Variants in CAPN5 observed in about 807,000 individuals in gnomAD.
CAPN5 encodes calpain-5.
A neutral mutation model predicts 73.0 loss-of-function variants in CAPN5; 54 were observed. That is an observed-to-expected ratio of 0.74 (90% CI 0.59 to 0.93). CAPN5 has a LOEUF of 0.93. Ranked by LOEUF, CAPN5 falls within the 40% of genes least tolerant of loss-of-function variation. The probability of loss-of-function intolerance (pLI) is 0.00; values close to 1 mark genes in which losing one functional copy is unlikely to be tolerated. For synonymous variants in CAPN5, 335 were observed against 356.9 expected, an observed-to-expected ratio of 0.94 and a Z score of 0.69; for missense variants, 785 against 882.9, an observed-to-expected ratio of 0.89 and a Z score of 1.41.
chr11:77,110,729 G>A (rs1303849902), intron 3 of CAPN5, among the ~76,000 whole-genome samples: 5 of 152,196 alleles, frequency 3.3e-5, no homozygotes, highest in African/African-American at 4.8e-5. Context: ...CATTTTCTTG[G>A]TCTCACATGT....
chr11:77,070,868 C>T (rs2135403497), intron 1 of CAPN5, among the ~76,000 whole-genome samples: 1 of 152,284 alleles, frequency 6.6e-6, no homozygotes, highest in East Asian at 1.9e-4. Flanking sequence ...CTGCTTCTGT[C>T]TCATTGCTCT....
Position 77,115,465 on chromosome 11 carries a change from C to T in CAPN5, c.770C>T (p.Thr257Ile), listed in dbSNP as rs562704448. ...GLVKGHAYAV[T>I]DVRKVRLGHG... ...GTAAAGGGCCACGCATACGCCGTCA[C>T]TGATGTGCGCAAGGTGCGCCTGGGC... Residue 257 changes from threonine to isoleucine, a missense_variant, in exon 6 of 13, where the codon ACT becomes ATT. Physicochemically the swap from Thr to Ile is moderately conservative, Grantham distance 89 (BLOSUM62 -1). Coordinates refer to ENST00000648180, the MANE Select transcript of CAPN5 (RefSeq NM_004055.5). 6.2e-7 allele frequency: 1 copy of T among 1,613,164 alleles called. No individual in the cohort carries two copies. Among genetic ancestry groups the T allele is most frequent in the South Asian group, 1.1e-5 (1 of 91,040 alleles).
At position 77,083,688 on chromosome 11, in the gene CAPN5, C is replaced by A. The variant is rs142806933; in HGVS notation, c.-35-1164C>A. Among the ~76,000 whole-genome samples the A allele has an allele frequency of 2.1e-4, 32 of 152,298 alleles. No individual in the cohort carries two copies. In the East Asian group the frequency reaches 6.2e-3, roughly 29 times the overall value. On this transcript the variant is annotated intron_variant, in intron 1 of 12. Coordinates refer to ENST00000648180, the MANE Select transcript of CAPN5 (RefSeq NM_004055.5). ...CTCCTCTTCCCACTGGCATGCTTGGCGGGCTCCTCAGCCTTCAGTTAATGG... is the reference window on the plus strand; with the variant it reads ...CTCCTCTTCCCACTGGCATGCTTGGAGGGCTCCTCAGCCTTCAGTTAATGG...
intron 7 of CAPN5, among the ~76,000 whole-genome samples, chr11:77,117,944 C>G (rs1017761519): frequency 5.3e-5 from 8 of 152,214 alleles, no homozygotes; most frequent in Non-Finnish European, 7.3e-5. Flanking sequence ...TAGATTCAGC[C>G]TCATTTTACA....
chr11:77,108,072 G>T (rs782294287), intron 3 of CAPN5, among the ~76,000 whole-genome samples: 1 of 152,206 alleles, frequency 6.6e-6, no homozygotes, highest in Non-Finnish European at 1.5e-5. Flanking sequence ...TCACTGCCAT[G>T]CACCGCAGTG....
rs551066938 is a variant in CAPN5 at position 77,090,364 on chromosome 11, G to A, written c.166-3318G>A. ...TCTGGGAATCGTGACTCCCAAGCTC[G>A]GTCTGTCTCTCAAGGACTGGAGAAG... On this transcript the variant is annotated intron_variant, in intron 2 of 12. Transcript: ENST00000648180. Among the ~76,000 whole-genome samples, 25 of 152,276 alleles carry A rather than the reference G, an allele frequency of 1.6e-4. No homozygotes were observed. The East Asian group carries it at 4.6e-3, about 28-fold the overall frequency.
chr11:77,075,161 G>T (rs1181003067), intron 1 of CAPN5, among the ~76,000 whole-genome samples: 1 of 152,088 alleles, frequency 6.6e-6, no homozygotes, highest in Non-Finnish European at 1.5e-5. Context: ...GCCTCTGGCG[G>T]GATCCTCTGC....
intron 1 of CAPN5, among the ~76,000 whole-genome samples, chr11:77,080,593 A>G (rs540835465): frequency 7.2e-5 from 11 of 152,276 alleles, no homozygotes; most frequent in African/African-American, 2.2e-4. Context: ...GCCTTATTCC[A>G]TCCTGTACAC....
At chr11:77,103,851 C>T (rs1342975389) in intron 3 of CAPN5, among the ~76,000 whole-genome samples, 2 of 152,164 alleles carry the variant, frequency 1.3e-5, no homozygotes, top group African/African-American at 2.4e-5. Flanking sequence ...CATAACACGT[C>T]GACAACCCTC....
chr11:77,104,263 G>A (rs1382528341), intron 3 of CAPN5, among the ~76,000 whole-genome samples: 1 of 152,200 alleles, frequency 6.6e-6, no homozygotes, highest in Non-Finnish European at 1.5e-5. Context: ...GAGGGAAGTT[G>A]GAGCTGGAGA....
intron 3 of CAPN5, among the ~76,000 whole-genome samples, chr11:77,094,038 A>G (rs1950182990): frequency 6.6e-6 from 1 of 152,238 alleles, no homozygotes; most frequent in Non-Finnish European, 1.5e-5. Context: ...CAGGCTCCCA[A>G]GGTCATTCTG....
chr11:77,114,291 C>G lies in CAPN5; in HGVS notation c.556C>G (p.Leu186Val). 2.5e-6 allele frequency: 4 copies of G among 1,614,234 alleles called. No homozygotes were observed. Among genetic ancestry groups the G allele is most frequent in the Non-Finnish European group, 3.4e-6 (4 of 1,180,044 alleles). The change falls in exon 5 of 13, where the codon CTG (leucine) becomes GTG (valine). Residue 186 changes from leucine to valine, a missense_variant. Transcript: ENST00000648180. ...ALDGGNTADA[L>V]VDFTGGVSEP... is the part of the protein sequence containing the mutation. ...GGATGGAGGCAACACAGCAGACGCACTGGTGGACTTCACGGGTGGTGTTTC... is the reference window on the plus strand; with the variant it reads ...GGATGGAGGCAACACAGCAGACGCAGTGGTGGACTTCACGGGTGGTGTTTC...
intron 1 of CAPN5, among the ~76,000 whole-genome samples, chr11:77,077,527 AT>A (rs532375338): frequency 0.15 from 22,256 of 144,904 alleles, 3,183 homozygotes; most frequent in African/African-American, 0.38. Flanking sequence ...GAGCTTTTTA[AT>A]TTTTTTTTTT....
intron 1 of CAPN5, among the ~76,000 whole-genome samples, chr11:77,079,112 G>A (rs117213833): frequency 5.8e-3 from 874 of 151,938 alleles, no homozygotes; most frequent in Non-Finnish European, 8.7e-3. Flanking sequence ...CTTGATCATG[G>A]TGAATGATCC....
intron 7 of CAPN5, among the ~76,000 whole-genome samples, chr11:77,117,262 T>TA (rs1162553150): frequency 1.3e-5 from 2 of 152,190 alleles, no homozygotes; most frequent in East Asian, 3.9e-4. Context: ...ACCCCAGTAG[T>TA]AATAAAAGTT....
chr11:77,104,085 A>T (rs1419885008), intron 3 of CAPN5, among the ~76,000 whole-genome samples: 1 of 152,226 alleles, frequency 6.6e-6, no homozygotes, highest in Non-Finnish European at 1.5e-5. Context: ...CTACCCTAGG[A>T]ACAAGTGCAG....
intron 2 of CAPN5, among the ~76,000 whole-genome samples, chr11:77,085,886 C>T (rs1052405857): frequency 6.6e-6 from 1 of 152,158 alleles, no homozygotes; most frequent in Non-Finnish European, 1.5e-5. Flanking sequence ...CACTGAGGGT[C>T]GTCCCCTCAC....
intron 3 of CAPN5, among the ~76,000 whole-genome samples, chr11:77,107,735 C>G (rs544474639): frequency 6.6e-6 from 1 of 152,314 alleles, no homozygotes; most frequent in African/African-American, 2.4e-5. Context: ...GGCGGCAGAT[C>G]CTGCCAGTCC....
intron 3 of CAPN5, chr11:77,102,956 C>A (rs782415910): frequency 8.1e-6 from 13 of 1,613,232 alleles, no homozygotes; most frequent in Non-Finnish European, 9.3e-6. Flanking sequence ...GGGAGAAGCG[C>A]CAGGATGGGG....
Sources: allele counts gnomAD v4.1 joint callset (sites outside exome capture counted in the v4.1 genomes callset), GRCh38; gene constraint gnomAD v4.1.1; transcripts MANE v1.5; gene names NCBI Gene and HGNC (gene_info 2026-07-23, HGNC 2026-07-21).